The following GNG12 variants were observed in gnomAD, a reference collection of about 807,000 sequenced individuals.
GNG12 encodes G protein subunit gamma 12.
For missense variants in GNG12, 69 were observed against 83.8 expected, an observed-to-expected ratio of 0.82 and a Z score of 0.69; for synonymous variants, 28 against 29.7, an observed-to-expected ratio of 0.94 and a Z score of 0.19.
chr1:67,800,736 T>C (rs1646859765), intron 1 of GNG12, among the ~76,000 whole-genome samples: 1 of 152,184 alleles, frequency 6.6e-6, no homozygotes, highest in Non-Finnish European at 1.5e-5. Context: ...CTGCCTTGTT[T>C]AATTAGCAGT....
At chr1:67,757,798 G>C (rs767149245) in intron 2 of GNG12, among the ~76,000 whole-genome samples, 1 of 152,166 alleles carries the variant, frequency 6.6e-6, no homozygotes, top group African/African-American at 2.4e-5. Context: ...TCTTTGAGAA[G>C]GCTGAACTAG....
intron 1 of GNG12, among the ~76,000 whole-genome samples, chr1:67,814,814 C>G (rs1646944552): frequency 6.6e-6 from 1 of 152,194 alleles, no homozygotes; most frequent in African/African-American, 2.4e-5. Context: ...GGTTTCAATT[C>G]TGGCTCTGCA....
intron 1 of GNG12, among the ~76,000 whole-genome samples, chr1:67,829,645 C>T (rs1024641589): frequency 1.3e-5 from 2 of 152,182 alleles, no homozygotes; most frequent in African/African-American, 4.8e-5. Flanking sequence ...TTCCTCACAA[C>T]ACTTATTGAA....
chr1:67,798,347 T>C (rs527438800), intron 1 of GNG12, among the ~76,000 whole-genome samples: 14 of 152,148 alleles, frequency 9.2e-5, no homozygotes, highest in African/African-American at 3.4e-4. Context: ...TGATCTGAGG[T>C]GGAACAGTTT....
chr1:67,724,089 G>A (rs889313151), intron 2 of GNG12, among the ~76,000 whole-genome samples: 3 of 152,276 alleles, frequency 2.0e-5, no homozygotes, highest in East Asian at 3.9e-4. Flanking sequence ...GAATTGTATC[G>A]AAACTTTCAG....
rs548478457 is a variant in GNG12 at position 67,766,484 on chromosome 1, C to A, written c.-27+10974G>T. On this transcript the variant is annotated intron_variant, in intron 2 of 3. Coordinates refer to ENST00000370982, the MANE Select transcript of GNG12 (RefSeq NM_018841.6). ...TAAGAGGGAGGGAATGTGATTACGG[C>A]GGAGCATAAGCAGGGCTTAATCAGC... 2.2e-3 allele frequency among the ~76,000 whole-genome samples: 335 copies of A among 152,214 alleles called. 2 individuals carry two copies. The highest frequency in any genetic ancestry group is 3.5e-3 in the Non-Finnish European group (240 of 68,020).
chr1:67,751,719 A>G (rs2100726627), intron 2 of GNG12, among the ~76,000 whole-genome samples: 1 of 152,374 alleles, frequency 6.6e-6, no homozygotes, highest in East Asian at 1.9e-4. Context: ...GTGATTTTCC[A>G]GCATGGCTTG....
intron 1 of GNG12, among the ~76,000 whole-genome samples, chr1:67,786,931 ATATATG>A (rs1486111319): frequency 5.7e-5 from 3 of 53,022 alleles, no homozygotes; most frequent in African/African-American, 1.8e-4. Flanking sequence ...AGACTTATAT[ATATATG>A]TGTGTGTGTG....
chr1:67,822,067 A>AC (rs1646987950), intron 1 of GNG12, among the ~76,000 whole-genome samples: 1 of 65,918 alleles, frequency 1.5e-5, no homozygotes, highest in Non-Finnish European at 3.0e-5. Flanking sequence ...TGATGAGCTG[A>AC]AAAAAAAAAT....
At chr1:67,804,780 G>A (rs1207994628) in intron 1 of GNG12, among the ~76,000 whole-genome samples, 1 of 151,974 alleles carries the variant, frequency 6.6e-6, no homozygotes, top group Non-Finnish European at 1.5e-5. Context: ...CAAATTGCTA[G>A]AGACTTCGTG....
intron 2 of GNG12, among the ~76,000 whole-genome samples, chr1:67,738,999 T>C (rs1646467948): frequency 6.6e-6 from 1 of 152,052 alleles, no homozygotes; most frequent in African/African-American, 2.4e-5. Context: ...GCCAATATGG[T>C]AAAACTCCAT....
At position 67,766,116 on chromosome 1, in the gene GNG12, A is replaced by G. The variant is rs1305159782; in HGVS notation, c.-27+11342T>C. Among the ~76,000 whole-genome samples, 172 of 52,534 alleles carry G rather than the reference A, an allele frequency of 3.3e-3. 1 individual carries two copies. The highest frequency in any genetic ancestry group is 0.01 in the African/African-American group (158 of 15,100). 34.5% of individuals were successfully genotyped at this position (52,534 alleles called of 152,430 possible). A position where few individuals can be genotyped will look rare whatever the true frequency, so the allele number is the denominator to read the frequency against. On this transcript the variant is annotated intron_variant, in intron 2 of 3. Transcript: ENST00000370982. Reference sequence around the variant, plus strand: ...AAACAAGGCACACACGCACACACACACACACACACACACACACACACACAC... The same window carrying G: ...AAACAAGGCACACACGCACACACACGCACACACACACACACACACACACAC...
intron 1 of GNG12, among the ~76,000 whole-genome samples, chr1:67,829,557 T>A (rs988818998): frequency 2.0e-5 from 3 of 152,250 alleles, no homozygotes; most frequent in Admixed American, 6.5e-5. Flanking sequence ...TTTCAATAAT[T>A]TAATGTTAAC....
chr1:67,806,368 G>A (rs1176928451), intron 1 of GNG12, among the ~76,000 whole-genome samples: 1 of 151,948 alleles, frequency 6.6e-6, no homozygotes, highest in African/African-American at 2.4e-5. Flanking sequence ...AACTGAGAAG[G>A]TCCACTTCTA....
chr1:67,717,237 C>G (rs921857683), intron 2 of GNG12, among the ~76,000 whole-genome samples: 1 of 152,094 alleles, frequency 6.6e-6, no homozygotes, highest in African/African-American at 2.4e-5. Context: ...ACTACTCGGC[C>G]GGGTATGGTG....
At chr1:67,707,899 T>G (rs1446134995) in intron 2 of GNG12, among the ~76,000 whole-genome samples, 187 bp from the exon 3 acceptor site, 1 of 152,222 alleles carries the variant, frequency 6.6e-6, no homozygotes, top group Non-Finnish European at 1.5e-5. Flanking sequence ...TGTCATCCAT[T>G]TGAGCACCTA....
intron 2 of GNG12, among the ~76,000 whole-genome samples, chr1:67,714,305 T>C (rs1264383949): frequency 6.6e-6 from 1 of 152,188 alleles, no homozygotes; most frequent in East Asian, 1.9e-4. Flanking sequence ...ACACTATGCC[T>C]TGGATATTTA....
chr1:67,705,872 C>G (rs182127455), intron 3 of GNG12, among the ~76,000 whole-genome samples: 54 of 152,306 alleles, frequency 3.5e-4, no homozygotes, highest in African/African-American at 1.2e-3. Context: ...AATGAGCTAG[C>G]ATTCCTGTCC....
At chr1:67,824,907 C>T (rs78511382) in intron 1 of GNG12, among the ~76,000 whole-genome samples, 3,243 of 144,574 alleles carry the variant, frequency 0.022, 59 homozygotes, top group Middle Eastern at 0.055. Context: ...TCTGAGCCCC[C>T]GGATATTTAT....
Sources: allele counts gnomAD v4.1 joint callset (sites outside exome capture counted in the v4.1 genomes callset), GRCh38; gene constraint gnomAD v4.1.1; transcripts MANE v1.5; gene names NCBI Gene and HGNC (gene_info 2026-07-23, HGNC 2026-07-21).